ARID5B: variants seen among roughly 807,000 people sequenced by gnomAD.
ARID5B encodes the protein AT-rich interaction domain 5B.
Under a neutral mutation model 97.2 loss-of-function variants are expected in ARID5B, and 13 were observed. That is an observed-to-expected ratio of 0.13 (90% CI 0.09 to 0.21). The LOEUF is 0.21. Among genes scored for constraint, ARID5B ranks in the 10% least tolerant of loss-of-function variants. The pLI is 1.00. For synonymous variants in ARID5B, 556 were observed against 570.3 expected (o/e 0.97, Z 0.36); for missense variants, 1,210 against 1,465.3 (o/e 0.83, Z 2.84).
chr10:61,919,797 C>T (rs1172794038), intron 2 of ARID5B, among the ~76,000 whole-genome samples: 1 of 152,024 alleles, frequency 6.6e-6, no homozygotes, highest in Non-Finnish European at 1.5e-5. Context: ...AAATATGCAT[C>T]CCTAACTATC....
At chr10:62,026,547 G>A (rs190704973) in intron 4 of ARID5B, among the ~76,000 whole-genome samples, 48 of 152,258 alleles carry the variant, frequency 3.2e-4, no homozygotes, top group Admixed American at 2.8e-3. Context: ...GTCAGATTCC[G>A]TAGATAAAGG....
At chr10:61,937,535 T>C (rs1844326976) in intron 2 of ARID5B, among the ~76,000 whole-genome samples, 1 of 152,218 alleles carries the variant, frequency 6.6e-6, no homozygotes, top group Non-Finnish European at 1.5e-5. Flanking sequence ...TACATAAATA[T>C]TGATTAAGAG....
At chr10:61,978,411 C>T (rs1176880320) in intron 3 of ARID5B, among the ~76,000 whole-genome samples, 1 of 152,152 alleles carries the variant, frequency 6.6e-6, no homozygotes, top group Admixed American at 6.5e-5. Flanking sequence ...TCATTGGTAG[C>T]TTGATGAGAA....
At chr10:62,051,825 G>A (rs1053903287) in intron 5 of ARID5B, among the ~76,000 whole-genome samples, 6 of 151,640 alleles carry the variant, frequency 4.0e-5, no homozygotes, top group Non-Finnish European at 5.9e-5. Context: ...TTTAGTTGAC[G>A]AACAGATTTC....
At chr10:61,981,547 G>C (rs182248484) in intron 3 of ARID5B, among the ~76,000 whole-genome samples, 1 of 152,254 alleles carries the variant, frequency 6.6e-6, no homozygotes, top group East Asian at 1.9e-4. Flanking sequence ...CTCCCAAAGT[G>C]CTGGGATTAT....
intron 4 of ARID5B, among the ~76,000 whole-genome samples, chr10:62,026,637 A>G (rs900090532): frequency 1.3e-5 from 2 of 152,250 alleles, no homozygotes; most frequent in African/African-American, 2.4e-5. Flanking sequence ...GGCAAGTTGT[A>G]CAAGTGACTA....
chr10:62,050,798 G>A, intron 4 of ARID5B, 90 bp from the exon 5 acceptor site: 1 of 1,077,182 alleles, frequency 9.3e-7, no homozygotes, highest in Non-Finnish European at 1.4e-6. Context: ...TGAACAATTA[G>A]AAGGGATCAC....
rs1840440864 is a variant in ARID5B, at chr10:62,094,797, G to C, written c.*1767G>C. The C allele has an allele frequency of 8.6e-6, 2 of 231,610 alleles. No individual in the cohort carries two copies. The highest frequency in any genetic ancestry group is 2.2e-5 in the African/African-American group (1 of 45,246). 14.3% of individuals were successfully genotyped at this position (231,610 alleles called of 1,614,324 possible). ...TGCCCCTCCCGCAACACTACCAGTA[G>C]ACTTTAGAACCATAGTTAACTAAGT... On this transcript the variant is annotated 3_prime_UTR_variant, in exon 10 of 10. Transcript: ENST00000279873.
intron 2 of ARID5B, among the ~76,000 whole-genome samples, chr10:61,916,130 C>T (rs1452193458): frequency 6.6e-6 from 1 of 152,190 alleles, no homozygotes; most frequent in Non-Finnish European, 1.5e-5. Context: ...CTTGCCTCAT[C>T]GCAACCTCTG....
At chr10:61,979,653 A>G (rs550172856) in intron 3 of ARID5B, among the ~76,000 whole-genome samples, 1 of 152,298 alleles carries the variant, frequency 6.6e-6, no homozygotes, top group East Asian at 1.9e-4. Context: ...TTAGCAAACC[A>G]GGGGTCTACC....
intron 4 of ARID5B, among the ~76,000 whole-genome samples, chr10:62,023,994 C>T (rs980091323): frequency 2.6e-5 from 4 of 152,128 alleles, no homozygotes; most frequent in Non-Finnish European, 5.9e-5. Flanking sequence ...AAGTGCCTGC[C>T]CCCTCTGCAG....
chr10:61,926,626 T>C (rs1399999045), intron 2 of ARID5B, among the ~76,000 whole-genome samples: 1 of 152,150 alleles, frequency 6.6e-6, no homozygotes, highest in Non-Finnish European at 1.5e-5. Context: ...ATTTATTTTT[T>C]TGAGACAGAG....
intron 4 of ARID5B, among the ~76,000 whole-genome samples, chr10:62,020,875 G>A (rs1839346480): frequency 6.6e-6 from 1 of 151,738 alleles, no homozygotes. Flanking sequence ...ATTTTGTTAA[G>A]TGTAAAAAAT....
At chr10:61,954,682 C>A (rs1838367133) in intron 3 of ARID5B, among the ~76,000 whole-genome samples, 1 of 152,156 alleles carries the variant, frequency 6.6e-6, no homozygotes, top group Non-Finnish European at 1.5e-5. Flanking sequence ...ATCATCCCAA[C>A]TGGAAATCTC....
chr10:62,066,563 AG>A (rs1439956627), intron 7 of ARID5B, among the ~76,000 whole-genome samples: 1 of 152,200 alleles, frequency 6.6e-6, no homozygotes, highest in Non-Finnish European at 1.5e-5. Context: ...ACTAAGTGCT[AG>A]GGGGCTGACA....
intron 3 of ARID5B, among the ~76,000 whole-genome samples, chr10:61,973,254 C>A (rs1199117957): frequency 6.6e-6 from 1 of 152,130 alleles, no homozygotes; most frequent in Non-Finnish European, 1.5e-5. Flanking sequence ...CTTTTCCAGT[C>A]TCTGCTCTTA....
intron 2 of ARID5B, among the ~76,000 whole-genome samples, chr10:61,934,460 A>C (rs911608309): frequency 3.3e-5 from 5 of 152,182 alleles, no homozygotes; most frequent in Admixed American, 2.6e-4. Context: ...CACTAAGCTT[A>C]ATTATTTCTA....
chr10:61,974,162 G>T (rs750714737), intron 3 of ARID5B, among the ~76,000 whole-genome samples: 1 of 152,146 alleles, frequency 6.6e-6, no homozygotes, highest in African/African-American at 2.4e-5. Context: ...CAACAAGCAG[G>T]ATATGATACA....
chr10:62,020,748 G>GCTT (rs1347714231), intron 4 of ARID5B, among the ~76,000 whole-genome samples: 2 of 151,996 alleles, frequency 1.3e-5, no homozygotes, highest in Non-Finnish European at 2.9e-5. Flanking sequence ...CAACGCCAGA[G>GCTT]AAGAGAATTA....
Sources: allele counts gnomAD v4.1 joint callset (sites outside exome capture counted in the v4.1 genomes callset), GRCh38; gene constraint gnomAD v4.1.1; transcripts MANE v1.5; gene names NCBI Gene and HGNC (gene_info 2026-07-23, HGNC 2026-07-21).